The following NPAS3 variants were observed in gnomAD, a reference collection of about 807,000 sequenced individuals.
NPAS3 encodes the protein neuronal PAS domain-containing protein 3.
NPAS3 carries 14 observed loss-of-function variants against 73.1 expected under a neutral mutation model. The observed-to-expected ratio is 0.19, with a 90% CI of 0.13 to 0.30. The LOEUF (loss-of-function observed/expected upper bound fraction) is 0.30, where lower values mean the gene tolerates loss of function less well. Ranked by LOEUF, NPAS3 falls within the 10% of genes least tolerant of loss-of-function variation. The pLI is 1.00. For missense variants in NPAS3, 1,096 were observed against 1,250.0 expected, an observed-to-expected ratio of 0.88 and a Z score of 1.86; for synonymous variants, 620 against 541.5, an observed-to-expected ratio of 1.14 and a Z score of -2.01.
At chr14:33,528,673 G>C (rs1046116773) in intron 4 of NPAS3, among the ~76,000 whole-genome samples, 42 of 152,086 alleles carry the variant, frequency 2.8e-4, no homozygotes, top group African/African-American at 9.9e-4. Flanking sequence ...CATTTACCCA[G>C]TGGACCAGCA....
At chr14:33,375,463 T>C (rs545409904) in intron 4 of NPAS3, among the ~76,000 whole-genome samples, 1 of 152,312 alleles carries the variant, frequency 6.6e-6, no homozygotes, top group Non-Finnish European at 1.5e-5. Context: ...AATTACTTAA[T>C]TTTCCTGTGT....
chr14:33,358,698 A>G (rs1566829044), intron 3 of NPAS3, among the ~76,000 whole-genome samples: 1 of 152,204 alleles, frequency 6.6e-6, no homozygotes, highest in African/African-American at 2.4e-5. Context: ...CTGGAGGGTT[A>G]GGAGATGCCT....
At chr14:33,094,189 A>C (rs1228201335) in intron 2 of NPAS3, among the ~76,000 whole-genome samples, 1 of 152,080 alleles carries the variant, frequency 6.6e-6, no homozygotes, top group Non-Finnish European at 1.5e-5. Context: ...GGGGAAAACC[A>C]TCTATTTATT....
chr14:33,415,178 A>C (rs921991350), intron 4 of NPAS3, among the ~76,000 whole-genome samples: 5 of 152,156 alleles, frequency 3.3e-5, no homozygotes, highest in African/African-American at 4.8e-5. Context: ...TGCACTGGAA[A>C]GAGTTTATCT....
At chr14:33,605,609 A>G (rs188530052) in intron 5 of NPAS3, among the ~76,000 whole-genome samples, 9 of 152,322 alleles carry the variant, frequency 5.9e-5, no homozygotes, top group South Asian at 2.1e-4. Context: ...GTTGAAAAGA[A>G]TAAGTCAGTA....
At chr14:32,996,563 G>A (rs1004194464) in intron 1 of NPAS3, among the ~76,000 whole-genome samples, 6 of 152,126 alleles carry the variant, frequency 3.9e-5, no homozygotes, top group African/African-American at 1.4e-4. Context: ...GTGGTGCCCT[G>A]TATCCCAGCC....
At chr14:33,708,477 A>G (rs2060722693) in intron 6 of NPAS3, among the ~76,000 whole-genome samples, 1 of 152,198 alleles carries the variant, frequency 6.6e-6, no homozygotes, top group Admixed American at 6.5e-5. Flanking sequence ...CTTAAAAACT[A>G]GTTAAGAGAT....
chr14:33,485,261 A>G (rs992287860), intron 4 of NPAS3, among the ~76,000 whole-genome samples: 2 of 152,194 alleles, frequency 1.3e-5, no homozygotes, highest in Admixed American at 1.3e-4. Context: ...CTTCCCGAAG[A>G]TGAGACACCA....
intron 6 of NPAS3, among the ~76,000 whole-genome samples, chr14:33,677,818 T>A (rs929706114): frequency 6.6e-6 from 1 of 152,198 alleles, no homozygotes; most frequent in African/African-American, 2.4e-5. Flanking sequence ...ATACTTTTGT[T>A]CAGGTGGGCA....
intron 5 of NPAS3, among the ~76,000 whole-genome samples, chr14:33,655,961 C>T (rs1374552589): frequency 6.6e-6 from 1 of 152,138 alleles, no homozygotes; most frequent in East Asian, 1.9e-4. Context: ...ACTCTTGAGG[C>T]CATAGTCTAA....
chr14:33,638,986 C>T (rs980890416), intron 5 of NPAS3, among the ~76,000 whole-genome samples: 1 of 152,200 alleles, frequency 6.6e-6, no homozygotes, highest in African/African-American at 2.4e-5. Context: ...AGGCACCGCA[C>T]CATTTAACCT....
chr14:33,246,620 T>A (rs1423321663), intron 3 of NPAS3, among the ~76,000 whole-genome samples: 1 of 149,124 alleles, frequency 6.7e-6, no homozygotes, highest in Non-Finnish European at 1.5e-5. Context: ...ATTAGAAGAG[T>A]ATCTACTTTG....
intron 3 of NPAS3, among the ~76,000 whole-genome samples, chr14:33,292,704 A>T (rs2042149780): frequency 6.6e-6 from 1 of 152,122 alleles, no homozygotes; most frequent in Non-Finnish European, 1.5e-5. Flanking sequence ...GAACTTCTTT[A>T]GTTGTTGGAG....
chr14:33,768,793 ATTCCT>A (rs765393661), intron 7 of NPAS3, among the ~76,000 whole-genome samples: 5 of 152,174 alleles, frequency 3.3e-5, no homozygotes, highest in Non-Finnish European at 5.9e-5. Flanking sequence ...CCCCACCAAT[ATTCCT>A]TTCATTTTAA....
chr14:33,459,956 G>A (rs952647301), intron 4 of NPAS3, among the ~76,000 whole-genome samples: 2 of 152,114 alleles, frequency 1.3e-5, no homozygotes, highest in Admixed American at 6.5e-5. Flanking sequence ...ATGGTGCTTG[G>A]CACACAGTAG....
At chr14:33,638,083 A>ATTCTATGTTGGTGACATGGTCTATC (rs1423718053) in intron 5 of NPAS3, among the ~76,000 whole-genome samples, 4 of 152,220 alleles carry the variant, frequency 2.6e-5, no homozygotes, top group African/African-American at 9.6e-5. Flanking sequence ...TTGATAGCTG[A>ATTCTATGTTGGTGACATGGTCTATC]TTCTATGTTG....
At chr14:33,173,287 G>C (rs2045464029) in intron 2 of NPAS3, among the ~76,000 whole-genome samples, 1 of 152,114 alleles carries the variant, frequency 6.6e-6, no homozygotes, top group Non-Finnish European at 1.5e-5. Flanking sequence ...CCAGATATTA[G>C]AGTTTAAAAT....
intron 2 of NPAS3, among the ~76,000 whole-genome samples, chr14:33,145,213 G>A (rs74729523): frequency 2.0e-5 from 3 of 152,112 alleles, no homozygotes; most frequent in Admixed American, 2.0e-4. Context: ...ATATATGAAC[G>A]TGTATATGTA....
chr14:33,653,996 A>G (rs1227441873), intron 5 of NPAS3, among the ~76,000 whole-genome samples: 1 of 152,204 alleles, frequency 6.6e-6, no homozygotes, highest in Non-Finnish European at 1.5e-5. Flanking sequence ...ACTGGGATGT[A>G]GAGATGCTGG....
Sources: gnomAD v4.1 joint callset for allele counts (sites outside exome capture counted in the v4.1 genomes callset) on GRCh38, gnomAD v4.1.1 for gene constraint, MANE v1.5 for transcripts, NCBI Gene and HGNC (gene_info 2026-07-23, HGNC 2026-07-21) for gene names.